Variants in NME9 observed in about 807,000 individuals in gnomAD.
NME9 encodes thioredoxin domain-containing protein 6.
A neutral mutation model predicts 44.4 loss-of-function variants in NME9; 48 were observed. That is an observed-to-expected ratio of 1.08 (90% CI 0.86 to 1.37). The LOEUF (loss-of-function observed/expected upper bound fraction) is 1.37, where lower values mean the gene tolerates loss of function less well. Among genes scored for constraint, NME9 ranks in the 40% most tolerant of loss-of-function variants. NME9 has a pLI of 0.00. For missense variants in NME9, 325 were observed against 405.2 expected (o/e 0.80, Z 1.70); for synonymous variants, 139 against 147.1 (o/e 0.94, Z 0.40).
At chr3:138,295,461 G>T (rs2051396142) in intron 8 of NME9, among the ~76,000 whole-genome samples, 1 of 152,198 alleles carries the variant, frequency 6.6e-6, no homozygotes, top group Non-Finnish European at 1.5e-5. Flanking sequence ...AACCCTAAGT[G>T]TTCTCCCTAG....
chr3:138,324,231 A>T, intron 2 of NME9: 1 of 326,146 alleles, frequency 3.1e-6, no homozygotes, highest in Non-Finnish European at 6.1e-6. Context: ...CAACAGCCAC[A>T]CAAAAGAACT....
At chr3:138,306,631 G>GT (rs1445970546) in intron 6 of NME9, 151 bp from the exon 7 acceptor site, 6 of 597,486 alleles carry the variant, frequency 1.0e-5, no homozygotes, top group Non-Finnish European at 1.8e-5. Flanking sequence ...TGGCCTCTTA[G>GT]TTTTGCCCCT....
At position 138,295,333 on chromosome 3, in the gene NME9, G is replaced by A. The variant is rs528288215; in HGVS notation, c.745+8174C>T. Among the ~76,000 whole-genome samples, 6 of 152,268 alleles carry A rather than the reference G, an allele frequency of 3.9e-5. No individual in the cohort carries two copies. In the East Asian group the frequency reaches 7.7e-4, roughly 20 times the overall value. On this transcript the variant is annotated intron_variant, in intron 8 of 8. Coordinates refer to the NME9 transcript ENST00000317876. ...AGATGAAATTGTAGCCTTCTTCCAC[G>A]GTTCTGAGGCATGTGAAGCATAAGA...
At chr3:138,317,895 G>A (rs2053195238) in intron 4 of NME9, among the ~76,000 whole-genome samples, 1 of 152,164 alleles carries the variant, frequency 6.6e-6, no homozygotes, top group Non-Finnish European at 1.5e-5. Flanking sequence ...TGGGCACAGG[G>A]CCCTCAGGCT....
intron 8 of NME9, chr3:138,290,678 T>C (rs1327405782): frequency 1.4e-6 from 2 of 1,403,490 alleles, no homozygotes; most frequent in South Asian, 1.2e-5. Context: ...TTGGGCTGTG[T>C]TGGATTCTTT....
At position 138,295,942 on chromosome 3, in the gene NME9, A is replaced by G. The variant is rs186404046; in HGVS notation, c.745+7565T>C. On this transcript the variant is annotated intron_variant, in intron 8 of 8. Transcript: ENST00000317876. ...AGCATCCCACCTCCTTGTTTAAGGA[A>G]GTACAGGAACCAGCCTCATTTGATT... The G allele has an allele frequency of 2.7e-5, 43 of 1,594,752 alleles. No homozygotes were observed. In the African/African-American group the frequency reaches 5.2e-4, roughly 19 times the overall value.
At chr3:138,270,784 A>C (rs2048717620) in intron 8 of NME9, among the ~76,000 whole-genome samples, 2 of 152,276 alleles carry the variant, frequency 1.3e-5, no homozygotes, top group South Asian at 4.1e-4. Flanking sequence ...TTTGTAATAT[A>C]TTGTAAAACT....
chr3:138,264,305 C>A, intron 8 of NME9: 1 of 923,080 alleles, frequency 1.1e-6, no homozygotes, highest in Non-Finnish European at 1.7e-6. Context: ...AGGAGTATGT[C>A]TGATTTTTGT....
chr3:138,283,051 A>G (rs769520436), intron 8 of NME9, among the ~76,000 whole-genome samples: 30 of 152,180 alleles, frequency 2.0e-4, no homozygotes, highest in African/African-American at 5.6e-4. Context: ...AACATGATCT[A>G]ACTGCCCTGG....
chr3:138,329,197 C>T (rs1180529789), intron 1 of NME9, 106 bp downstream of exon 1: 1 of 1,001,702 alleles, frequency 1.0e-6, no homozygotes, highest in African/African-American at 1.6e-5. Context: ...CTGTCACGTA[C>T]TGCTGGCAAA....
At chr3:138,322,485 GGT>G (rs10580643) in intron 2 of NME9, among the ~76,000 whole-genome samples, 18,815 of 146,178 alleles carry the variant, frequency 0.13, 1,168 homozygotes, top group Middle Eastern at 0.14. Flanking sequence ...AAGAAAAAGG[GGT>G]GTGTGTGTGT....
chr3:138,290,116 A>G (rs1183424901), intron 8 of NME9, among the ~76,000 whole-genome samples: 1 of 152,204 alleles, frequency 6.6e-6, no homozygotes, highest in Non-Finnish European at 1.5e-5. Flanking sequence ...TGCTGGGAGG[A>G]CAGAGGAGGG....
chr3:138,289,472 G>T (rs1187294343), intron 8 of NME9, among the ~76,000 whole-genome samples: 1 of 152,208 alleles, frequency 6.6e-6, no homozygotes. Flanking sequence ...GTTTTGAGCA[G>T]AGGAAGCACA....
intron 9 of NME9, among the ~76,000 whole-genome samples, chr3:138,304,076 A>G (rs2052047854): frequency 6.6e-6 from 1 of 152,230 alleles, no homozygotes. Context: ...CTGTGTGTCA[A>G]GCACTACTCG....
intron 7 of NME9, 73 bp downstream of exon 7, chr3:138,306,324 CA>C (rs1451178688): frequency 9.0e-7 from 1 of 1,112,194 alleles, no homozygotes; most frequent in Non-Finnish European, 1.4e-6. Flanking sequence ...TATCACTGCC[CA>C]GTGCCCCATC....
intron 6 of NME9, among the ~76,000 whole-genome samples, chr3:138,310,183 A>G (rs1465156106): frequency 6.6e-6 from 1 of 152,158 alleles, no homozygotes; most frequent in Middle Eastern, 3.2e-3. Flanking sequence ...AGGTCACTAT[A>G]TAATGATAAA....
intron 8 of NME9, chr3:138,289,196 CT>C: frequency 8.7e-7 from 1 of 1,151,972 alleles, no homozygotes; most frequent in South Asian, 1.3e-5. Flanking sequence ...GCAGGTGCCC[CT>C]GAGATCCTGG....
intron 8 of NME9, among the ~76,000 whole-genome samples, chr3:138,276,692 A>G (rs917476770): frequency 2.6e-5 from 4 of 152,200 alleles, no homozygotes; most frequent in Non-Finnish European, 5.9e-5. Flanking sequence ...AAAAAATGAA[A>G]TTCTATGTAT....
intron 8 of NME9, among the ~76,000 whole-genome samples, chr3:138,282,021 G>C (rs140736088): frequency 6.6e-6 from 1 of 152,316 alleles, no homozygotes; most frequent in Non-Finnish European, 1.5e-5. Context: ...GAACAAGAGA[G>C]TAATAAGCTA....
Sources: allele counts gnomAD v4.1 joint callset (sites outside exome capture counted in the v4.1 genomes callset), GRCh38; gene constraint gnomAD v4.1.1; transcripts MANE v1.5; gene names NCBI Gene and HGNC (gene_info 2026-07-23, HGNC 2026-07-21).